The following ZNF257 variants were observed in gnomAD, a reference collection of about 807,000 sequenced individuals.
ZNF257 encodes the protein bone marrow zinc finger 4.
A neutral mutation model predicts 11.9 loss-of-function variants in ZNF257; 12 were observed. The observed-to-expected ratio is 1.01, with a 90% CI of 0.65 to 1.63. The LOEUF (loss-of-function observed/expected upper bound fraction) is 1.63. Among genes scored for constraint, ZNF257 ranks in the 40% most tolerant of loss-of-function variants. The pLI, the probability that ZNF257 is intolerant of heterozygous loss-of-function variation, is 0.00. For synonymous variants in ZNF257, 183 were observed against 222.7 expected (o/e 0.82, Z 1.59); for missense variants, 580 against 665.5 (o/e 0.87, Z 1.41).
intron 3 of ZNF257, among the ~76,000 whole-genome samples, chr19:22,084,470 T>C (rs1468996283): frequency 6.6e-6 from 1 of 152,046 alleles, no homozygotes; most frequent in African/African-American, 2.4e-5. Flanking sequence ...TTGGGTACTT[T>C]GTTGTCTCTT....
intron 1 of ZNF257, among the ~76,000 whole-genome samples, chr19:22,068,752 C>T (rs59448173): frequency 0.25 from 37,983 of 152,070 alleles, 5,622 homozygotes; most frequent in South Asian, 0.45. Context: ...TGGAGTAGAA[C>T]ATTTTTGTCC....
At position 22,073,576 on chromosome 19, in the gene ZNF257, T is replaced by G. The variant is rs1207488589; in HGVS notation, c.226+12T>G. 1 of 1,607,064 alleles carries G rather than the reference T, an allele frequency of 6.2e-7. No homozygotes were observed. The highest frequency in any genetic ancestry group is 8.5e-7 in the Non-Finnish European group (1 of 1,176,792). On this transcript the variant is annotated intron_variant, in intron 3 of 3. Coordinates refer to ENST00000594947, the MANE Select transcript of ZNF257 (RefSeq NM_033468.4). ...AGCCAAACCCCCAGGTAGGTGAGAG[T>G]GAAAGCCAGTACAACAGGTGAAACA... is the stretch of plus-strand genomic sequence containing the variant.
chr19:22,078,734 A>G (rs1472153031), intron 3 of ZNF257, among the ~76,000 whole-genome samples: 1 of 150,692 alleles, frequency 6.6e-6, no homozygotes, highest in Non-Finnish European at 1.5e-5. Flanking sequence ...TATTTTTCAT[A>G]TATGGTTCAA....
At chr19:22,062,375 C>T (rs1040365226) in intron 1 of ZNF257, among the ~76,000 whole-genome samples, 7 of 151,988 alleles carry the variant, frequency 4.6e-5, no homozygotes, top group East Asian at 1.9e-4. Context: ...CTACCTGCCT[C>T]GGCCTCCCAA....
chr19:22,056,087 C>A (rs1031487365), intron 1 of ZNF257, among the ~76,000 whole-genome samples: 14 of 150,516 alleles, frequency 9.3e-5, no homozygotes, highest in Admixed American at 2.0e-4. Context: ...GAATTGTTTT[C>A]ACTTATCTTG....
At chr19:22,065,860 C>A in intron 1 of ZNF257, 1 of 152,272 alleles carries the variant, frequency 6.6e-6, no homozygotes, top group Non-Finnish European at 1.5e-5. Context: ...AGATGTATTT[C>A]AACATAGATC....
intron 1 of ZNF257, among the ~76,000 whole-genome samples, chr19:22,062,350 T>C (rs62110979): frequency 0.13 from 19,303 of 151,180 alleles, 1,438 homozygotes; most frequent in Middle Eastern, 0.2. Context: ...GGTCTTGAAC[T>C]CTTGACCTTG....
At chr19:22,081,030 C>T (rs1216959582) in intron 3 of ZNF257, among the ~76,000 whole-genome samples, 2 of 151,754 alleles carry the variant, frequency 1.3e-5, no homozygotes, top group East Asian at 1.9e-4. Flanking sequence ...AGGCACGTGC[C>T]ACCATGCTCG....
chr19:22,059,885 C>T (rs1305058631), intron 1 of ZNF257, among the ~76,000 whole-genome samples: 1 of 135,064 alleles, frequency 7.4e-6, no homozygotes, highest in Admixed American at 7.0e-5. Flanking sequence ...ACCACACCCA[C>T]TAATTTTTTT....
intron 3 of ZNF257, among the ~76,000 whole-genome samples, chr19:22,081,342 T>C (rs1305181796): frequency 6.6e-6 from 1 of 152,034 alleles, no homozygotes; most frequent in East Asian, 1.9e-4. Context: ...AGGACTACCA[T>C]AATTATGTCT....
chr19:22,088,724 T>TTAA lies in ZNF257; in HGVS notation c.975_977dup (p.Asn326dup). 2 of 1,612,070 alleles carry TTAA rather than the reference T, an allele frequency of 1.2e-6. No homozygotes were observed. Among genetic ancestry groups the TTAA allele is most frequent in the Non-Finnish European group, 1.7e-6 (2 of 1,179,532 alleles). ...AAATGTGAAGAGTGTGGCAAAGCCTTTAACCAGTCCTCAGCCCTTACTCGA... is the reference window on the plus strand; with the variant it reads ...AAATGTGAAGAGTGTGGCAAAGCCTTTAATAACCAGTCCTCAGCCCTTACTCGA... On this transcript the variant is annotated inframe_insertion, in exon 4 of 4. Coordinates refer to ENST00000594947, the MANE Select transcript of ZNF257 (RefSeq NM_033468.4).
chr19:22,072,734 C>A, intron 1 of ZNF257, 75 bp from the exon 2 acceptor site: 1 of 1,543,928 alleles, frequency 6.5e-7, no homozygotes, highest in Non-Finnish European at 8.8e-7. Flanking sequence ...TTTAATTACA[C>A]CTTGAGTGAC....
rs1393275846 is a variant in ZNF257, at chr19:22,089,335, T to G, written c.1585T>G (p.Tyr529Asp). The G allele has an allele frequency of 6.2e-7, 1 of 1,613,136 alleles. No homozygotes were observed. Among genetic ancestry groups the G allele is most frequent in the Non-Finnish European group, 8.5e-7 (1 of 1,179,670 alleles). Residue 529 changes from tyrosine to aspartate, a missense_variant, in exon 4 of 4, where the codon TAC (tyrosine) becomes GAC (aspartate). Transcript: ENST00000594947. Reference sequence around the variant, plus strand: ...TGGCAAGCCTTTTAATCGTTTCTCATACCTTACCGTACATAAGAGAATTCA... The same window carrying G: ...TGGCAAGCCTTTTAATCGTTTCTCAGACCTTACCGTACATAAGAGAATTCA... ...ECGKPFNRFSYLTVHKRIHAG... is the reference protein window; with the variant it reads ...ECGKPFNRFSDLTVHKRIHAG...
intron 3 of ZNF257, among the ~76,000 whole-genome samples, chr19:22,074,924 G>A (rs1301183089): frequency 6.6e-6 from 1 of 152,126 alleles, no homozygotes; most frequent in Non-Finnish European, 1.5e-5. Flanking sequence ...ATATACTTCA[G>A]TGCTATGTTA....
chr19:22,065,450 T>G (rs1300654116), intron 1 of ZNF257, among the ~76,000 whole-genome samples: 1 of 152,186 alleles, frequency 6.6e-6, no homozygotes, highest in Non-Finnish European at 1.5e-5. Flanking sequence ...TCCACCCACC[T>G]CGGCCTTCCA....
intron 3 of ZNF257, chr19:22,087,505 T>C: frequency 1.7e-6 from 2 of 1,175,530 alleles, no homozygotes; most frequent in Non-Finnish European, 2.1e-6. Flanking sequence ...CAAATTGTCA[T>C]TCTAAAGTAT....
chr19:22,086,521 A>ATATGAT (rs1414437117), intron 3 of ZNF257, among the ~76,000 whole-genome samples: 1 of 151,960 alleles, frequency 6.6e-6, no homozygotes, highest in African/African-American at 2.4e-5. Context: ...ATGTATTTTT[A>ATATGAT]TATGATTATG....
intron 3 of ZNF257, chr19:22,087,530 G>C (rs766020826): frequency 9.8e-6 from 12 of 1,226,642 alleles, no homozygotes; most frequent in Non-Finnish European, 1.1e-5. Flanking sequence ...TTTTTTTTCA[G>C]CATTTTATTT....
chr19:22,064,580 G>C (rs1446957430), intron 1 of ZNF257, among the ~76,000 whole-genome samples: 9 of 152,122 alleles, frequency 5.9e-5, no homozygotes, highest in Admixed American at 5.9e-4. Flanking sequence ...ACAGAAAACT[G>C]ATTGTCCAAG....
Sources: allele counts gnomAD v4.1 joint callset (sites outside exome capture counted in the v4.1 genomes callset), GRCh38; gene constraint gnomAD v4.1.1; transcripts MANE v1.5; gene names NCBI Gene and HGNC (gene_info 2026-07-23, HGNC 2026-07-21).